Variants in RBFOX1 observed in about 807,000 individuals in gnomAD.
RBFOX1 encodes the protein RNA binding fox-1 homolog 1.
In RBFOX1, 8 loss-of-function variants were observed where a neutral mutation model predicts 57.7. The ratio of observed to expected loss-of-function variants is 0.14; its 90% CI spans 0.08 to 0.25. The LOEUF is 0.25. Among genes scored for constraint, RBFOX1 ranks in the 10% least tolerant of loss-of-function variants. RBFOX1 has a pLI of 1.00. For missense variants in RBFOX1, 611 were observed against 548.5 expected (o/e 1.11, Z -1.14); for synonymous variants, 326 against 222.4 (o/e 1.47, Z -4.15).
At chr16:6,858,846 A>C (rs79414593) in intron 3 of RBFOX1, among the ~76,000 whole-genome samples, 3,656 of 152,070 alleles carry the variant, frequency 0.024, 168 homozygotes, top group African/African-American at 0.079. Flanking sequence ...TCAATTCAAC[A>C]TGCAAAACTC....
chr16:6,758,541 C>G (rs1473618714), intron 3 of RBFOX1, among the ~76,000 whole-genome samples: 3 of 152,004 alleles, frequency 2.0e-5, no homozygotes, highest in Non-Finnish European at 4.4e-5. Flanking sequence ...AAATATCATT[C>G]AAAACAGAAT....
intron 4 of RBFOX1, among the ~76,000 whole-genome samples, chr16:6,012,335 G>A (rs1466364565): frequency 6.6e-6 from 1 of 152,322 alleles, no homozygotes; most frequent in East Asian, 1.9e-4. Flanking sequence ...CTATTCATAT[G>A]TTACTATTAG....
chr16:7,452,003 C>T (rs1257867890), intron 4 of RBFOX1, among the ~76,000 whole-genome samples: 2 of 151,998 alleles, frequency 1.3e-5, no homozygotes, highest in Non-Finnish European at 2.9e-5. Context: ...ACTAGTACGA[C>T]CAAAGAGAAA....
chr16:6,684,455 G>C (rs1302897923), intron 3 of RBFOX1, among the ~76,000 whole-genome samples: 1 of 152,170 alleles, frequency 6.6e-6, no homozygotes, highest in Non-Finnish European at 1.5e-5. Context: ...ATCAATTGCT[G>C]GCCACGGCAA....
Position 5,672,104 on chromosome 16 carries a change from C to T in RBFOX1, c.318+73143C>T, listed in dbSNP as rs533154176. Among the ~76,000 whole-genome samples the T allele has an allele frequency of 4.6e-5, 7 of 152,220 alleles. No homozygotes were observed. In the South Asian group the frequency reaches 1.5e-3, roughly 32 times the overall value. The stretch of plus-strand genomic sequence containing the variant: ...GGTTGCTGGTTAGAGGTTTATGTCT[C>T]TTGGTATGTTTTAGAGTCATTCTCT... On this transcript the variant is annotated intron_variant, in intron 3 of 19. Coordinates refer to the RBFOX1 transcript ENST00000641259.
intron 4 of RBFOX1, among the ~76,000 whole-genome samples, chr16:7,461,155 GA>G (rs1348403984): frequency 6.6e-6 from 1 of 151,400 alleles, no homozygotes; most frequent in African/African-American, 2.4e-5. Flanking sequence ...GACTGAGGAT[GA>G]AAAAACAAAG....
intron 3 of RBFOX1, among the ~76,000 whole-genome samples, chr16:6,903,161 G>C (rs2068894064): frequency 6.6e-6 from 1 of 152,114 alleles, no homozygotes; most frequent in South Asian, 2.1e-4. Flanking sequence ...AGAAGGGGAG[G>C]AGCCTTTCAG....
rs879898472 is a variant in RBFOX1 at position 7,460,370 on chromosome 16, A to AATATATAT, written c.28-57764_28-57757dup. Among the ~76,000 whole-genome samples, 173 of 75,942 alleles carry AATATATAT rather than the reference A, an allele frequency of 2.3e-3. 1 individual carries two copies. Among genetic ancestry groups the AATATATAT allele is most frequent in the African/African-American group, 3.2e-3 (47 of 14,718 alleles). The allele number at this position is 75,942 out of a possible 152,430, so 49.8% of individuals were successfully genotyped here. The stretch of plus-strand genomic sequence containing the variant: ...ATGATTTGCCTTAATCATTTAGCAA[A>AATATATAT]ATATATATATATATATATATGTGTG... On this transcript the variant is annotated intron_variant, in intron 4 of 15. Transcript: ENST00000550418.
At chr16:5,600,230 G>T (rs1485830304), downstream of RBFOX1, 2 of 151,932 alleles carry the variant, frequency 1.3e-5, no homozygotes, top group African/African-American at 2.4e-5. Flanking sequence ...GAACCTGGGA[G>T]GCAGAGCTTG....
chr16:7,495,408 T>G (rs1355119604), intron 4 of RBFOX1, among the ~76,000 whole-genome samples: 1 of 152,230 alleles, frequency 6.6e-6, no homozygotes, highest in East Asian at 1.9e-4. Context: ...CTTTCCACAG[T>G]GGCTGAACTA....
At chr16:5,938,199 C>G (rs941744162) in intron 4 of RBFOX1, among the ~76,000 whole-genome samples, 2 of 152,156 alleles carry the variant, frequency 1.3e-5, no homozygotes, top group African/African-American at 4.8e-5. Context: ...TTCTACCTAT[C>G]TTGGTGTCTT....
intron 2 of RBFOX1, among the ~76,000 whole-genome samples, chr16:6,350,860 C>G (rs1315184604): frequency 2.0e-5 from 3 of 152,132 alleles, no homozygotes; most frequent in African/African-American, 4.8e-5. Flanking sequence ...GGGATTTGAA[C>G]CAGGGTCTGA....
intron 1 of RBFOX1, among the ~76,000 whole-genome samples, chr16:5,418,683 C>T (rs1341369137): frequency 2.0e-5 from 3 of 152,120 alleles, no homozygotes; most frequent in African/African-American, 7.2e-5. Flanking sequence ...TCTTTCCTCC[C>T]TCTTCTGGCT....
At chr16:7,093,951 A>C (rs1483312987) in intron 4 of RBFOX1, among the ~76,000 whole-genome samples, 1 of 151,736 alleles carries the variant, frequency 6.6e-6, no homozygotes, top group Admixed American at 6.6e-5. Flanking sequence ...AGGCGTATAT[A>C]ATTTTTTTAA....
chr16:6,692,351 C>T (rs1001331933), intron 3 of RBFOX1, among the ~76,000 whole-genome samples: 23 of 152,042 alleles, frequency 1.5e-4, no homozygotes, highest in African/African-American at 5.6e-4. Context: ...TTCTTTATTT[C>T]TTACCTAGAT....
intron 5 of RBFOX1, among the ~76,000 whole-genome samples, chr16:7,551,704 C>A (rs2086597050): frequency 6.6e-6 from 1 of 152,154 alleles, no homozygotes; most frequent in Admixed American, 6.5e-5. Flanking sequence ...CTGGAATAGG[C>A]TGCCAAGGGC....
chr16:7,073,401 G>T (rs1321268591), intron 4 of RBFOX1, among the ~76,000 whole-genome samples: 6 of 152,126 alleles, frequency 3.9e-5, no homozygotes, highest in African/African-American at 1.4e-4. Flanking sequence ...GCTTTACAGG[G>T]TCAAGAGCAT....
In RBFOX1 at chr16:6,859,140, CGTATATAT is replaced by C. The variant is rs2058486597; in HGVS notation, c.-15-192916_-15-192909del. On this transcript the variant is annotated intron_variant, in intron 3 of 15. Transcript: ENST00000550418. Reference sequence around the variant, plus strand: ...ATATATATATATATACATATATATACGTATATATATATGTATATATATACGTATATATA... The same window carrying C: ...ATATATATATATATACATATATATACATATGTATATATATACGTATATATA... Among the ~76,000 whole-genome samples the C allele has an allele frequency of 4.4e-5, 4 of 91,526 alleles. No individual in the cohort carries two copies. The East Asian group carries it at 8.0e-4, about 18-fold the overall frequency. The allele number at this position is 91,526 out of a possible 152,430, so 60.0% of individuals were successfully genotyped here.
intron 4 of RBFOX1, among the ~76,000 whole-genome samples, chr16:7,065,120 A>G (rs866199908): frequency 8.5e-5 from 13 of 152,212 alleles, no homozygotes; most frequent in Admixed American, 3.3e-4. Flanking sequence ...CTGTGAGACC[A>G]ATTCTGTATG....
Sources: allele counts gnomAD v4.1 joint callset (sites outside exome capture counted in the v4.1 genomes callset), GRCh38; gene constraint gnomAD v4.1.1; transcripts MANE v1.5; gene names NCBI Gene and HGNC (gene_info 2026-07-23, HGNC 2026-07-21).